The following KLRD1 variants were observed in gnomAD, a reference collection of about 807,000 sequenced individuals.
KLRD1 encodes the protein killer cell lectin like receptor D1, also known as natural killer cells antigen CD94.
KLRD1 carries 21 observed loss-of-function variants against 22.6 expected under a neutral mutation model. The ratio of observed to expected loss-of-function variants is 0.93; its 90% CI spans 0.66 to 1.34. The LOEUF (loss-of-function observed/expected upper bound fraction) is 1.34. Among genes scored for constraint, KLRD1 ranks in the 40% most tolerant of loss-of-function variants. KLRD1 has a pLI of 0.00. For synonymous variants in KLRD1, 59 were observed against 71.1 expected, an observed-to-expected ratio of 0.83 and a Z score of 0.85; for missense variants, 183 against 208.6, an observed-to-expected ratio of 0.88 and a Z score of 0.76.
intron 1 of KLRD1, among the ~76,000 whole-genome samples, chr12:10,285,386 C>G (rs1949691846): frequency 6.6e-6 from 1 of 152,108 alleles, no homozygotes; most frequent in African/African-American, 2.4e-5. Context: ...TGCTAGTTTT[C>G]TTTTCCTCTC....
intron 1 of KLRD1, among the ~76,000 whole-genome samples, chr12:10,281,284 C>T (rs1949639651): frequency 6.6e-6 from 1 of 152,052 alleles, no homozygotes; most frequent in Admixed American, 6.6e-5. Context: ...CAGATTCAGC[C>T]CTGCTGTAAC....
rs1182028053 is a variant in KLRD1, at chr12:10,319,286, C to CATATAGCAAAT, written c.*4493_*4494insATATAGCAAAT. On this transcript the variant is annotated 3_prime_UTR_variant, in exon 6 of 6. Coordinates refer to ENST00000336164, the MANE Select transcript of KLRD1 (RefSeq NM_002262.5). ...TCACTTCTTACCAGTTGTAAATGTACTTACAAATTTTGCTATATGAAAACA... is the reference window on the plus strand; with the variant it reads ...TCACTTCTTACCAGTTGTAAATGTACATATAGCAAATTTACAAATTTTGCTATATGAAAACA... 1.3e-5 allele frequency: 2 copies of CATATAGCAAAT among 152,178 alleles called. No individual in the cohort carries two copies. The highest frequency in any genetic ancestry group is 4.8e-5 in the African/African-American group (2 of 41,454). 9.4% of individuals were successfully genotyped at this position (152,178 alleles called of 1,614,324 possible). A position where few individuals can be genotyped will look rare whatever the true frequency, so the allele number is the denominator to read the frequency against.
intron 1 of KLRD1, among the ~76,000 whole-genome samples, chr12:10,293,492 C>T (rs1565462240): frequency 6.6e-6 from 1 of 151,872 alleles, no homozygotes; most frequent in South Asian, 2.1e-4. Flanking sequence ...CCAGTGAAGC[C>T]GTCATAACAC....
Position 10,314,751 on chromosome 12 carries a change from T to A in KLRD1, c.498T>A (p.Cys166Ter), listed in dbSNP as rs1220236219. 5 of 1,605,702 alleles carry A rather than the reference T, an allele frequency of 3.1e-6. No homozygotes were observed. The highest frequency in any genetic ancestry group is 4.2e-6 in the Non-Finnish European group (5 of 1,176,744). Residue 166 changes from cysteine to a stop codon, truncating the protein, a stop_gained, in exon 6 of 6, where the codon TGT (cysteine) becomes TGA (stop). Transcript: ENST00000336164. LOFTEE classifies it low-confidence loss of function (END_TRUNC). ...NPNGNALDES[C>*]EDKNRYICKQ... ...ATGGAAATGCTTTAGATGAATCCTG[T>A]GAAGATAAAAATCGTTATATCTGTA...
At chr12:10,284,268 G>T (rs1455097205) in intron 1 of KLRD1, among the ~76,000 whole-genome samples, 1 of 152,168 alleles carries the variant, frequency 6.6e-6, no homozygotes, top group Non-Finnish European at 1.5e-5. Context: ...AACTTACCTT[G>T]TCCAATCTAT....
intron 1 of KLRD1, chr12:10,308,588 C>G (rs1949977456): frequency 6.4e-6 from 1 of 155,782 alleles, no homozygotes; most frequent in East Asian, 1.9e-4. Context: ...GGCCTAAAAG[C>G]AAGTAATTTT....
chr12:10,326,443 A>T lies in KLRD1; in HGVS notation c.*11650A>T, dbSNP rs1258336030. 1 of 152,270 alleles carries T rather than the reference A, an allele frequency of 6.6e-6. No individual in the cohort carries two copies. The highest frequency in any genetic ancestry group is 1.5e-5 in the Non-Finnish European group (1 of 68,076). The allele number at this position is 152,270 out of a possible 1,614,324, so 9.4% of individuals were successfully genotyped here. A position where few individuals can be genotyped will look rare whatever the true frequency, so the allele number is the denominator to read the frequency against. Reference sequence around the variant, plus strand: ...GGCACAGTTTGGTTTTATACATTTTAGGGAGACATGAGACATCAATCAACA... The same window carrying T: ...GGCACAGTTTGGTTTTATACATTTTTGGGAGACATGAGACATCAATCAACA... On this transcript the variant is annotated 3_prime_UTR_variant, in exon 6 of 6. Transcript: ENST00000336164.
At chr12:10,267,712 TG>T (rs1949512793) in intron 1 of KLRD1, among the ~76,000 whole-genome samples, 1 of 152,218 alleles carries the variant, frequency 6.6e-6, no homozygotes, top group Non-Finnish European at 1.5e-5. Flanking sequence ...ACATGCTCTA[TG>T]GCTAGAAGGA....
At chr12:10,307,764 CCTT>C (rs1307552248), upstream of KLRD1, 6 of 261,116 alleles carry the variant, frequency 2.3e-5, no homozygotes, top group South Asian at 3.0e-4. Flanking sequence ...CCTCCTCTCA[CCTT>C]CTTTAGTCCT....
rs1470096082 is a variant in KLRD1, at chr12:10,320,592, G to T, written c.*5799G>T. 2 of 152,138 alleles carry T rather than the reference G, an allele frequency of 1.3e-5. No individual in the cohort carries two copies. The allele number at this position is 152,138 out of a possible 1,614,324, so 9.4% of individuals were successfully genotyped here. A position where few individuals can be genotyped will look rare whatever the true frequency, so the allele number is the denominator to read the frequency against. On this transcript the variant is annotated 3_prime_UTR_variant, in exon 6 of 6. Transcript: ENST00000336164. Reference sequence around the variant, plus strand: ...TAGAACACACATAAGCTAATGGAAGGGCTGTTGAGCAAAAGAAGACAGAAC... The same window carrying T: ...TAGAACACACATAAGCTAATGGAAGTGCTGTTGAGCAAAAGAAGACAGAAC...
chr12:10,291,547 C>T (rs959916892), intron 1 of KLRD1, among the ~76,000 whole-genome samples: 7 of 151,612 alleles, frequency 4.6e-5, no homozygotes, highest in Non-Finnish European at 8.8e-5. Flanking sequence ...TGTCTCTTTC[C>T]TCATCTATAA....
intron 1 of KLRD1, among the ~76,000 whole-genome samples, chr12:10,269,307 T>G (rs925283059): frequency 1.3e-5 from 2 of 151,820 alleles, no homozygotes; most frequent in Non-Finnish European, 2.9e-5. Flanking sequence ...GTTGCCACCA[T>G]GCCCAGCTAA....
intron 1 of KLRD1, among the ~76,000 whole-genome samples, chr12:10,297,504 C>T (rs2137673579): frequency 6.6e-6 from 1 of 152,054 alleles, no homozygotes. Flanking sequence ...ATTAAAAACT[C>T]AATAAAATAA....
chr12:10,309,607 T>G lies in KLRD1; in HGVS notation c.101-19T>G. On this transcript the variant is annotated intron_variant, in intron 2 of 5. Coordinates refer to ENST00000336164, the MANE Select transcript of KLRD1 (RefSeq NM_002262.5). ...TAAACCCATACCTAATTAAACAAAT[T>G]TCTAATCATTTCTTATAGCTTTTAC... 6.3e-7 allele frequency: 1 copy of G among 1,589,248 alleles called. No individual in the cohort carries two copies. Among genetic ancestry groups the G allele is most frequent in the Non-Finnish European group, 8.6e-7 (1 of 1,158,266 alleles).
chr12:10,292,285 C>T (rs1470428442), intron 1 of KLRD1, among the ~76,000 whole-genome samples: 2 of 152,240 alleles, frequency 1.3e-5, no homozygotes, highest in Admixed American at 1.3e-4. Context: ...TAAATGGAAT[C>T]TAGAATAGTG....
Position 10,326,139 on chromosome 12 carries a change from T to G in KLRD1, c.*11346T>G, listed in dbSNP as rs1473527336. On this transcript the variant is annotated 3_prime_UTR_variant, in exon 6 of 6. Transcript: ENST00000336164. ...AATGACCATTCAAGTCTTTGATACA[T>G]TTTTTAATTGGGTTACTTGTGTTTT... 1 of 152,188 alleles carries G rather than the reference T, an allele frequency of 6.6e-6. No individual in the cohort carries two copies. The highest frequency in any genetic ancestry group is 1.5e-5 in the Non-Finnish European group (1 of 68,032). 9.4% of individuals were successfully genotyped at this position (152,188 alleles called of 1,614,324 possible). A position where few individuals can be genotyped will look rare whatever the true frequency, so the allele number is the denominator to read the frequency against.
intron 5 of KLRD1, among the ~76,000 whole-genome samples, chr12:10,313,721 A>G (rs1950153893): frequency 1.3e-5 from 2 of 152,176 alleles, no homozygotes; most frequent in East Asian, 3.8e-4. Context: ...AACAGAAGAT[A>G]ATGCCTAATG....
chr12:10,253,633 T>C (rs1374106891), intron 1 of KLRD1, among the ~76,000 whole-genome samples: 2 of 152,114 alleles, frequency 1.3e-5, no homozygotes, highest in East Asian at 3.9e-4. Context: ...TAAGTTCTTA[T>C]CATTTAGCTC....
rs149035404 is a variant in KLRD1, at chr12:10,299,239, C to A, written c.-100-8739C>A. 4.6e-3 allele frequency among the ~76,000 whole-genome samples: 702 copies of A among 151,008 alleles called. 3 individuals carry two copies. Among genetic ancestry groups the A allele is most frequent in the Non-Finnish European group, 8.2e-3 (557 of 67,854 alleles). ...TTGTTTTGTTTTTGCTAAAAGCATTCAAGGATTCTTGACCTTGACAAGGAA... is the reference window on the plus strand; with the variant it reads ...TTGTTTTGTTTTTGCTAAAAGCATTAAAGGATTCTTGACCTTGACAAGGAA... On this transcript the variant is annotated intron_variant, in intron 1 of 5. Coordinates refer to the KLRD1 transcript ENST00000544747.
Sources: gnomAD v4.1 joint callset for allele counts (sites outside exome capture counted in the v4.1 genomes callset) on GRCh38, gnomAD v4.1.1 for gene constraint, MANE v1.5 for transcripts, NCBI Gene and HGNC (gene_info 2026-07-23, HGNC 2026-07-21) for gene names.